Variants in SACM1L observed in about 807,000 individuals in gnomAD.
The protein encoded by SACM1L is SAC1 like phosphatidylinositide phosphatase, also known as phosphatidylinositol-3-phosphatase SAC1.
In SACM1L, 32 loss-of-function variants were observed where a neutral mutation model predicts 89.5. The ratio of observed to expected loss-of-function variants is 0.36; its 90% CI spans 0.27 to 0.48. The LOEUF is 0.48. Among genes scored for constraint, SACM1L ranks in the 20% least tolerant of loss-of-function variants. SACM1L has a pLI of 0.99. For missense variants in SACM1L, 543 were observed against 708.5 expected (o/e 0.77, Z 2.65); for synonymous variants, 213 against 232.8 (o/e 0.92, Z 0.77).
intron 8 of SACM1L, 64 bp downstream of exon 8, chr3:45,719,665 G>A (rs1394775834): frequency 1.2e-6 from 1 of 862,572 alleles, no homozygotes; most frequent in South Asian, 1.7e-5. Context: ...TGACACGAAT[G>A]TAACCTTTTG....
At position 45,737,768 on chromosome 3, in the gene SACM1L, A is replaced by G. The variant is rs747534007; in HGVS notation, c.1310-4A>G. On this transcript the variant is annotated splice_polypyrimidine_tract_variant and splice_region_variant and intron_variant, in intron 15 of 19. Transcript: ENST00000389061. ...TTATCAGCTGTTTTTACTTTTTTCT[A>G]CAGCCTGGGCTGACAACGCAAATGC... 4 of 1,609,434 alleles carry G rather than the reference A, an allele frequency of 2.5e-6. No homozygotes were observed. Among genetic ancestry groups the G allele is most frequent in the African/African-American group, 1.3e-5 (1 of 74,516 alleles).
intron 19 of SACM1L, chr3:45,739,897 T>G (rs1699280638): frequency 1.9e-6 from 1 of 521,466 alleles, no homozygotes; most frequent in East Asian, 3.3e-5. Context: ...AATGAGTGTC[T>G]GAGACAGGTC....
At chr3:45,731,464 C>A in intron 12 of SACM1L, 84 bp downstream of exon 12, 1 of 780,708 alleles carries the variant, frequency 1.3e-6, no homozygotes, top group Non-Finnish European at 2.0e-6. Context: ...GCTCACTAGA[C>A]ATATGTTTCA....
chr3:45,739,456 A>G (rs997350057), intron 18 of SACM1L, 131 bp from the exon 19 acceptor site: 48 of 811,908 alleles, frequency 5.9e-5, no homozygotes, highest in Admixed American at 2.0e-4. Flanking sequence ...TGTTTTGTTG[A>G]CAAAAGATAT....
At chr3:45,726,876 T>A (rs1258436058) in intron 11 of SACM1L, among the ~76,000 whole-genome samples, 22 of 44,334 alleles carry the variant, frequency 5.0e-4, no homozygotes, top group South Asian at 1.0e-3. Context: ...TTTCTTTTTT[T>A]TTTTTTTTTT....
chr3:45,739,546 A>G, intron 18 of SACM1L, 41 bp from the exon 19 acceptor site: 1 of 1,593,282 alleles, frequency 6.3e-7, no homozygotes, highest in Non-Finnish European at 8.6e-7. Context: ...GCCATTGATT[A>G]GCATTCTTAA....
chr3:45,737,931 C>A, intron 16 of SACM1L, 87 bp downstream of exon 16: 2 of 1,036,402 alleles, frequency 1.9e-6, no homozygotes, highest in Non-Finnish European at 3.0e-6. Flanking sequence ...TTTCAGACAG[C>A]AGCAGCAACA....
intron 1 of SACM1L, chr3:45,689,824 G>T: frequency 2.0e-6 from 1 of 504,744 alleles, no homozygotes; most frequent in East Asian, 3.3e-5. Flanking sequence ...TTTCTATGCA[G>T]AGCTACCGAC....
At chr3:45,693,003 A>T (rs1575380256) in intron 1 of SACM1L, among the ~76,000 whole-genome samples, 1 of 152,370 alleles carries the variant, frequency 6.6e-6, no homozygotes, top group Non-Finnish European at 1.5e-5. Flanking sequence ...GAGTATAATT[A>T]CACAAACCTA....
Position 45,738,891 on chromosome 3 carries a change from A to G in SACM1L, c.1569+18A>G. 2 of 1,517,914 alleles carry G rather than the reference A, an allele frequency of 1.3e-6. No homozygotes were observed. The highest frequency in any genetic ancestry group is 2.3e-5 in the East Asian group (1 of 44,296). The allele number at this position is 1,517,914 out of a possible 1,614,324, so 94.0% of individuals were successfully genotyped here. ...TCCTGGCTGTAAGAAACCATTTTGT[A>G]TTTTTCAAGTTTTTAAAAGCATTGT... On this transcript the variant is annotated intron_variant, in intron 18 of 19. Transcript: ENST00000389061.
At position 45,722,849 on chromosome 3, in the gene SACM1L, ATT is replaced by A; in HGVS notation, c.766-18_766-17del. The A allele has an allele frequency of 1.3e-6, 2 of 1,573,972 alleles. No homozygotes were observed. Among genetic ancestry groups the A allele is most frequent in the Non-Finnish European group, 1.7e-6 (2 of 1,144,394 alleles). ...CAAGTATGTTTGTGTTTCTTTTCAC[ATT>A]TCTCTCTTTTCTTTTAGACTCGAGG... is the stretch of plus-strand genomic sequence containing the variant. On this transcript the variant is annotated intron_variant, in intron 9 of 19. Coordinates refer to ENST00000389061, the MANE Select transcript of SACM1L (RefSeq NM_014016.5).
Position 45,695,858 on chromosome 3 carries a change from G to A in SACM1L, c.32+6361G>A, listed in dbSNP as rs140008683. Among the ~76,000 whole-genome samples, 399 of 152,030 alleles carry A rather than the reference G, an allele frequency of 2.6e-3. 12 individuals are homozygous for A. In the East Asian group the frequency reaches 0.047, roughly 18 times the overall value. On this transcript the variant is annotated intron_variant, in intron 1 of 19. Coordinates refer to ENST00000389061, the MANE Select transcript of SACM1L (RefSeq NM_014016.5). ...ATCCTCCCAGCCCCTGGCAACCACC[G>A]TTCTACTTTCTGTCTCTATAAATTT... is the stretch of plus-strand genomic sequence containing the variant.
At chr3:45,738,102 G>A (rs1303810584) in intron 16 of SACM1L, among the ~76,000 whole-genome samples, 2 of 152,312 alleles carry the variant, frequency 1.3e-5, no homozygotes, top group Admixed American at 6.5e-5. Context: ...AGACCTTACC[G>A]TGTACCTGAA....
intron 19 of SACM1L, among the ~76,000 whole-genome samples, chr3:45,741,093 C>A (rs539924687): frequency 6.6e-6 from 1 of 152,152 alleles, no homozygotes; most frequent in Non-Finnish European, 1.5e-5. Flanking sequence ...GTGTATTGGA[C>A]GTTGGAGATG....
chr3:45,715,485 T>G (rs563882468), intron 7 of SACM1L, among the ~76,000 whole-genome samples: 17 of 152,266 alleles, frequency 1.1e-4, no homozygotes, highest in African/African-American at 3.8e-4. Flanking sequence ...AGAATAAATG[T>G]GTTTATTCAG....
In SACM1L at chr3:45,703,853, A is replaced by C. The variant is rs370123171; in HGVS notation, c.130+318A>C. Among the ~76,000 whole-genome samples the C allele has an allele frequency of 7.9e-5, 12 of 152,294 alleles. 1 individual carries two copies. The East Asian group carries it at 1.7e-3, about 22-fold the overall frequency. ...GGTTTAGATAGCTAAGCTTCTTTCT[A>C]GCTGTAAGATTTAAGATATTTGAGA... On this transcript the variant is annotated intron_variant, in intron 2 of 19. Coordinates refer to ENST00000389061, the MANE Select transcript of SACM1L (RefSeq NM_014016.5).
chr3:45,735,683 T>C (rs1332199556), intron 14 of SACM1L, among the ~76,000 whole-genome samples: 2 of 152,170 alleles, frequency 1.3e-5, no homozygotes, highest in Non-Finnish European at 2.9e-5. Flanking sequence ...GTAGAGAATA[T>C]ATCTGTATAT....
At chr3:45,742,816 TC>T (rs1440479898) in intron 19 of SACM1L, 16 of 152,374 alleles carry the variant, frequency 1.1e-4, no homozygotes, top group African/African-American at 3.9e-4. Context: ...TATGGTGACC[TC>T]TTTGAGCAGG....
intron 14 of SACM1L, among the ~76,000 whole-genome samples, chr3:45,735,943 T>C (rs1299234841): frequency 6.6e-6 from 1 of 152,224 alleles, no homozygotes; most frequent in African/African-American, 2.4e-5. Flanking sequence ...CTCGGCTTGC[T>C]GCAACCTCTG....
Sources: gnomAD v4.1 joint callset for allele counts (sites outside exome capture counted in the v4.1 genomes callset) on GRCh38, gnomAD v4.1.1 for gene constraint, MANE v1.5 for transcripts, NCBI Gene and HGNC (gene_info 2026-07-23, HGNC 2026-07-21) for gene names.